TRPM3: variants seen among roughly 807,000 people sequenced by gnomAD.
The protein encoded by TRPM3 is long transient receptor potential channel 3.
In TRPM3, 77 loss-of-function variants were observed where a neutral mutation model predicts 181.2. The observed-to-expected ratio is 0.42, with a 90% CI of 0.35 to 0.51. The LOEUF (loss-of-function observed/expected upper bound fraction) is 0.51, where lower values mean the gene tolerates loss of function less well. Ranked by LOEUF, TRPM3 falls within the 20% of genes least tolerant of loss-of-function variation. The pLI is 0.01. For missense variants in TRPM3, 1,759 were observed against 2,196.7 expected, an observed-to-expected ratio of 0.80 and a Z score of 3.98; for synonymous variants, 745 against 796.4, an observed-to-expected ratio of 0.94 and a Z score of 1.09.
chr9:71,299,062 C>T (rs549965940), intron 1 of TRPM3, among the ~76,000 whole-genome samples: 11 of 152,112 alleles, frequency 7.2e-5, no homozygotes, highest in Admixed American at 6.5e-4. Flanking sequence ...ATTTTTTCTA[C>T]TCAAGATCAG....
At position 71,312,503 on chromosome 9, in the gene TRPM3, A is replaced by G. The variant is rs114441774; in HGVS notation, c.183+134150T>C. Among the ~76,000 whole-genome samples the G allele has an allele frequency of 2.9e-3, 440 of 152,264 alleles. 4 individuals carry two copies. Among genetic ancestry groups the G allele is most frequent in the African/African-American group, 9.9e-3 (411 of 41,556 alleles). ...GAGGACAGTTTGGCAGTTTCCTATA[A>G]AACTGAACATACTCTTAATATACAA... is the stretch of plus-strand genomic sequence containing the variant. On this transcript the variant is annotated intron_variant, in intron 1 of 24. Transcript: ENST00000357533.
intron 1 of TRPM3, among the ~76,000 whole-genome samples, chr9:71,149,649 G>C (rs2075620198): frequency 6.6e-6 from 1 of 152,072 alleles, no homozygotes; most frequent in Admixed American, 6.6e-5. Context: ...CCAAGTTTAA[G>C]AGAAAATATA....
chr9:70,564,139 C>A (rs1215752516), intron 22 of TRPM3, among the ~76,000 whole-genome samples: 1 of 152,180 alleles, frequency 6.6e-6, no homozygotes, highest in Non-Finnish European at 1.5e-5. Flanking sequence ...GTGTTTAACT[C>A]AGTTTTACTC....
chr9:71,321,630 A>G (rs573743746), intron 1 of TRPM3, among the ~76,000 whole-genome samples: 1 of 152,180 alleles, frequency 6.6e-6, no homozygotes, highest in Non-Finnish European at 1.5e-5. Context: ...CAAATGTTTC[A>G]TTGATGAAAT....
intron 6 of TRPM3, among the ~76,000 whole-genome samples, chr9:70,786,311 C>CAAAAAAAAAAAAAAAAAAAAAAAAAAAA (rs71367227): frequency 4.6e-4 from 25 of 54,458 alleles, no homozygotes; most frequent in Non-Finnish European, 7.2e-4. Context: ...CTAAAAATAC[C>CAAAAAAAAAAAAAAAAAAAAAAAAAAAA]AAAAAAAAAA....
chr9:70,602,188 G>A (rs2060161132), intron 20 of TRPM3, among the ~76,000 whole-genome samples: 1 of 150,928 alleles, frequency 6.6e-6, no homozygotes, highest in Non-Finnish European at 1.5e-5. Flanking sequence ...ATGGGGAGAT[G>A]GTAGTCAGAG....
intron 9 of TRPM3, among the ~76,000 whole-genome samples, chr9:70,657,676 T>C (rs376683355): frequency 6.6e-6 from 1 of 152,208 alleles, no homozygotes; most frequent in African/African-American, 2.4e-5. Context: ...TCTTTCTGTA[T>C]GTGCTTTTAA....
rs190944673 is a variant in TRPM3 at position 71,435,224 on chromosome 9, T to C, written c.183+11429A>G. Among the ~76,000 whole-genome samples the C allele has an allele frequency of 3.3e-5, 5 of 152,294 alleles. No homozygotes were observed. The East Asian group carries it at 9.6e-4, about 29-fold the overall frequency. On this transcript the variant is annotated intron_variant, in intron 1 of 24. Transcript: ENST00000357533. ...ATAATTAAGACAAGTTTAGTGTACT[T>C]ATAATGTGAATAATATATAAAATAT... is the stretch of plus-strand genomic sequence containing the variant.
chr9:71,180,847 A>T (rs2077361541), intron 1 of TRPM3, among the ~76,000 whole-genome samples: 1 of 152,240 alleles, frequency 6.6e-6, no homozygotes, highest in Non-Finnish European at 1.5e-5. Context: ...ATAGTTATTG[A>T]AGAGAGGCTC....
intron 6 of TRPM3, among the ~76,000 whole-genome samples, chr9:70,787,053 A>T (rs564724170): frequency 1.3e-5 from 2 of 152,318 alleles, no homozygotes; most frequent in African/African-American, 4.8e-5. Context: ...AGCATACATA[A>T]TGAAAAGACC....
intron 1 of TRPM3, among the ~76,000 whole-genome samples, chr9:71,184,400 C>T (rs1223601207): frequency 1.3e-5 from 2 of 152,078 alleles, no homozygotes; most frequent in African/African-American, 4.8e-5. Flanking sequence ...AACATGTAAA[C>T]CATACCATAG....
chr9:70,751,323 C>T (rs577111877), intron 8 of TRPM3, among the ~76,000 whole-genome samples: 1 of 152,080 alleles, frequency 6.6e-6, no homozygotes, highest in South Asian at 2.1e-4. Context: ...AAAGCATTGT[C>T]AGGAATAAAC....
intron 1 of TRPM3, among the ~76,000 whole-genome samples, chr9:71,442,346 A>T (rs960206937): frequency 6.6e-6 from 1 of 152,210 alleles, no homozygotes; most frequent in African/African-American, 2.4e-5. Flanking sequence ...TTCCTTTTAC[A>T]GAGTTTACTC....
chr9:70,584,066 G>A (rs2056595956), intron 22 of TRPM3, among the ~76,000 whole-genome samples: 1 of 151,880 alleles, frequency 6.6e-6, no homozygotes, highest in Admixed American at 6.6e-5. Flanking sequence ...TTGAGACAGG[G>A]TCTTGCTCTG....
At chr9:70,987,342 T>C (rs995158672) in intron 1 of TRPM3, among the ~76,000 whole-genome samples, 2 of 152,202 alleles carry the variant, frequency 1.3e-5, no homozygotes, top group African/African-American at 4.8e-5. Flanking sequence ...AAAAACAATT[T>C]TGATTTTATG....
At chr9:71,120,772 A>C (rs973581363) in intron 1 of TRPM3, among the ~76,000 whole-genome samples, 2 of 152,252 alleles carry the variant, frequency 1.3e-5, no homozygotes, top group South Asian at 4.1e-4. Context: ...AAGTGGGTCG[A>C]AGGGCTTCCC....
At chr9:71,096,560 G>GCGCACACA (rs1554824601) in intron 1 of TRPM3, among the ~76,000 whole-genome samples, 1 of 78,374 alleles carries the variant, frequency 1.3e-5, no homozygotes, top group African/African-American at 6.8e-5. Flanking sequence ...GTGAGCGCAT[G>GCGCACACA]CACACACACA....
intron 1 of TRPM3, among the ~76,000 whole-genome samples, chr9:71,129,699 G>T (rs1184430593): frequency 1.3e-5 from 2 of 152,014 alleles, no homozygotes; most frequent in Admixed American, 1.3e-4. Context: ...ATTTATATAG[G>T]GTTCCTGCGG....
At chr9:71,205,132 G>C (rs1174608391) in intron 1 of TRPM3, among the ~76,000 whole-genome samples, 2 of 151,948 alleles carry the variant, frequency 1.3e-5, no homozygotes, top group Admixed American at 6.6e-5. Context: ...GTTAATGGGT[G>C]CAGCACACCA....
Sources: gnomAD v4.1 joint callset for allele counts (sites outside exome capture counted in the v4.1 genomes callset) on GRCh38, gnomAD v4.1.1 for gene constraint, MANE v1.5 for transcripts, NCBI Gene and HGNC (gene_info 2026-07-23, HGNC 2026-07-21) for gene names.